LIN7A: variants seen among roughly 807,000 people sequenced by gnomAD.
The protein encoded by LIN7A is protein lin-7 homolog A.
In LIN7A, 25 loss-of-function variants were observed where a neutral mutation model predicts 29.8. The ratio of observed to expected loss-of-function variants is 0.84; its 90% CI spans 0.61 to 1.17. The LOEUF is 1.17. LIN7A is among the 50% of genes most tolerant of loss of function. The pLI, the probability that LIN7A is intolerant of heterozygous loss-of-function variation, is 0.00. For missense variants in LIN7A, 239 were observed against 287.0 expected (o/e 0.83, Z 1.21); for synonymous variants, 118 against 107.5 (o/e 1.10, Z -0.60).
At chr12:80,808,947 T>C (rs888128051) in intron 5 of LIN7A, among the ~76,000 whole-genome samples, 3 of 151,608 alleles carry the variant, frequency 2.0e-5, no homozygotes, top group Non-Finnish European at 4.4e-5. Context: ...CCCTATCTTT[T>C]CCCCCCTTTT....
chr12:80,867,579 C>T (rs995202725), intron 2 of LIN7A, among the ~76,000 whole-genome samples: 2 of 152,082 alleles, frequency 1.3e-5, no homozygotes, highest in East Asian at 1.9e-4. Flanking sequence ...AGCTTTCAAT[C>T]TACTTGGATA....
chr12:80,842,445 A>C (rs1872867426), intron 4 of LIN7A, among the ~76,000 whole-genome samples: 1 of 152,158 alleles, frequency 6.6e-6, no homozygotes. Context: ...GAGAACTTAT[A>C]CTAAAGTAGT....
chr12:80,891,030 A>C (rs746361840), intron 1 of LIN7A, among the ~76,000 whole-genome samples: 4 of 151,976 alleles, frequency 2.6e-5, no homozygotes, highest in Non-Finnish European at 4.4e-5. Context: ...TCTCCCCCCA[A>C]ACAAGCCATC....
At chr12:80,856,037 T>G (rs1873577298) in intron 2 of LIN7A, among the ~76,000 whole-genome samples, 1 of 152,144 alleles carries the variant, frequency 6.6e-6, no homozygotes, top group Non-Finnish European at 1.5e-5. Context: ...AGTGTTAGAA[T>G]TCCTATAAAC....
chr12:80,872,691 G>C (rs910503178), intron 2 of LIN7A, among the ~76,000 whole-genome samples: 1 of 152,132 alleles, frequency 6.6e-6, no homozygotes. Context: ...TTTATAGCTT[G>C]TTTAGAAAAA....
At chr12:80,824,345 A>G (rs898148290) in intron 4 of LIN7A, among the ~76,000 whole-genome samples, 1 of 152,158 alleles carries the variant, frequency 6.6e-6, no homozygotes, top group African/African-American at 2.4e-5. Context: ...CAGACTAATA[A>G]CAAGCAGTAA....
chr12:80,807,228 C>T (rs1320466714), intron 5 of LIN7A, among the ~76,000 whole-genome samples: 2 of 151,738 alleles, frequency 1.3e-5, no homozygotes, highest in African/African-American at 2.4e-5. Flanking sequence ...CCCGCCACCA[C>T]GCCCAGCTAA....
chr12:80,848,238 AC>A lies in LIN7A; in HGVS notation c.273+12del. 1 of 1,604,582 alleles carries A rather than the reference AC, an allele frequency of 6.2e-7. No individual in the cohort carries two copies. The highest frequency in any genetic ancestry group is 8.5e-7 in the Non-Finnish European group (1 of 1,171,638). On this transcript the variant is annotated intron_variant, in intron 3 of 5. Transcript: ENST00000552864. ...TGGGGTCAAGTATATTTTTAAAGTT[AC>A]TCAAGCCTTACCTTTGCTGTTGCCC...
intron 5 of LIN7A, among the ~76,000 whole-genome samples, chr12:80,804,363 C>A (rs1211382728): frequency 1.3e-5 from 2 of 152,072 alleles, no homozygotes; most frequent in East Asian, 1.9e-4. Flanking sequence ...CCTCCCTCCC[C>A]ACTCCTCCAC....
At chr12:80,807,287 G>A (rs543361147) in intron 5 of LIN7A, among the ~76,000 whole-genome samples, 2 of 151,942 alleles carry the variant, frequency 1.3e-5, no homozygotes, top group South Asian at 4.2e-4. Context: ...AGCCAGGATG[G>A]TCTCGATCTC....
At chr12:80,872,195 ATTAC>A (rs1318319926) in intron 2 of LIN7A, among the ~76,000 whole-genome samples, 1 of 152,090 alleles carries the variant, frequency 6.6e-6, no homozygotes, top group Non-Finnish European at 1.5e-5. Context: ...TCAACTCTTT[ATTAC>A]CCAAGTTTAT....
chr12:80,887,010 A>G (rs902630856), intron 2 of LIN7A, among the ~76,000 whole-genome samples: 1 of 152,100 alleles, frequency 6.6e-6, no homozygotes, highest in African/African-American at 2.4e-5. Context: ...CAAAAGCATC[A>G]TCAACTTACT....
chr12:80,846,565 G>A (rs149611638), intron 3 of LIN7A, among the ~76,000 whole-genome samples: 19 of 152,148 alleles, frequency 1.2e-4, no homozygotes, highest in African/African-American at 4.3e-4. Flanking sequence ...ACAGATTATT[G>A]TTAGCTTATA....
At chr12:80,837,661 C>G (rs945540854) in intron 4 of LIN7A, among the ~76,000 whole-genome samples, 3 of 152,106 alleles carry the variant, frequency 2.0e-5, no homozygotes, top group Non-Finnish European at 4.4e-5. Context: ...TAAAAACCAC[C>G]GTGTGTGGTA....
At chr12:80,880,751 G>GCA (rs202207302) in intron 2 of LIN7A, among the ~76,000 whole-genome samples, 41,222 of 135,950 alleles carry the variant, frequency 0.3, 6,221 homozygotes, top group South Asian at 0.48. Flanking sequence ...AGGAGGCAAC[G>GCA]CACACACACA....
intron 4 of LIN7A, among the ~76,000 whole-genome samples, chr12:80,825,971 T>C (rs1565891589): frequency 6.6e-6 from 1 of 152,246 alleles, no homozygotes; most frequent in Non-Finnish European, 1.5e-5. Context: ...CCTGGCACTG[T>C]CAAATGTGTT....
In LIN7A at chr12:80,927,155, C is replaced by CTTTT. The variant is rs929026269; in HGVS notation, c.82+10482_82+10485dup. Among the ~76,000 whole-genome samples, 204 of 75,534 alleles carry CTTTT rather than the reference C, an allele frequency of 2.7e-3. 4 individuals carry two copies. Among genetic ancestry groups the CTTTT allele is most frequent in the East Asian group, 4.3e-3 (9 of 2,110 alleles). The allele number at this position is 75,534 out of a possible 152,430, so 49.6% of individuals were successfully genotyped here. On this transcript the variant is annotated intron_variant, in intron 1 of 5. Coordinates refer to ENST00000552864, the MANE Select transcript of LIN7A (RefSeq NM_004664.4). ...CAGTAAACTATTTTCTTTTCTTTTT[C>CTTTT]TTTTTTTTTTTTTTTTTTTTTTTTG... is the stretch of plus-strand genomic sequence containing the variant.
At chr12:80,899,613 T>C (rs1876090156) in intron 1 of LIN7A, among the ~76,000 whole-genome samples, 2 of 152,008 alleles carry the variant, frequency 1.3e-5, no homozygotes, top group African/African-American at 4.8e-5. Context: ...CCATCTGATC[T>C]TGGGCTTTTT....
intron 1 of LIN7A, among the ~76,000 whole-genome samples, chr12:80,932,199 A>C (rs999720867): frequency 6.6e-6 from 1 of 152,232 alleles, no homozygotes; most frequent in Non-Finnish European, 1.5e-5. Flanking sequence ...AAAAATTGTA[A>C]TGTATCACAA....
Sources: allele counts gnomAD v4.1 joint callset (sites outside exome capture counted in the v4.1 genomes callset), GRCh38; gene constraint gnomAD v4.1.1; transcripts MANE v1.5; gene names NCBI Gene and HGNC (gene_info 2026-07-23, HGNC 2026-07-21).